The following LY6G5B variants were observed in gnomAD, a reference collection of about 807,000 sequenced individuals.
LY6G5B encodes the protein lymphocyte antigen 6 complex locus protein G5b.
Under a neutral mutation model 6.7 loss-of-function variants are expected in LY6G5B, and 6 were observed. The observed-to-expected ratio is 0.89, with a 90% CI of 0.49 to 1.76. The LOEUF (loss-of-function observed/expected upper bound fraction) is 1.76, where lower values mean the gene tolerates loss of function less well. Ranked by LOEUF, LY6G5B falls within the 40% of genes most tolerant of loss-of-function variation. LY6G5B has a pLI of 0.01. For missense variants in LY6G5B, 240 were observed against 249.5 expected, an observed-to-expected ratio of 0.96 and a Z score of 0.26; for synonymous variants, 98 against 99.4, an observed-to-expected ratio of 0.99 and a Z score of 0.09.
At chr6:31,670,030 C>T (rs4569), upstream of LY6G5B, 265,286 of 897,250 alleles carry the variant, frequency 0.3, 42,643 homozygotes, top group African/African-American at 0.53. Flanking sequence ...GAGTCGTTAT[C>T]GTGGTGGGAA....
rs949726455 is a variant in LY6G5B, at chr6:31,670,567, C to T, written c.-384C>T. ...AGTGGGGATTGGCCCTGTTGTATGA[C>T]GAAGACAGCACATGGTGGCAGAGAT... is the stretch of plus-strand genomic sequence containing the variant. On this transcript the variant is annotated 5_prime_UTR_variant, in exon 1 of 3. The change creates a new upstream start codon in the 5' untranslated region. Coordinates refer to ENST00000375864, the Ensembl canonical transcript of LY6G5B. 1.8e-5 allele frequency: 4 copies of T among 220,492 alleles called. No homozygotes were observed. Among genetic ancestry groups the T allele is most frequent in the African/African-American group, 4.6e-5 (2 of 43,610 alleles). The allele number at this position is 220,492 out of a possible 1,614,324, so 13.7% of individuals were successfully genotyped here.
rs1173442664 is a variant in LY6G5B, at chr6:31,671,861, CAG to C, written c.188-1_188del. 3 of 1,602,662 alleles carry C rather than the reference CAG, an allele frequency of 1.9e-6. No homozygotes were observed. Among genetic ancestry groups the C allele is most frequent in the Non-Finnish European group, 2.6e-6 (3 of 1,172,246 alleles). ...GGGTTATCAGCTTTCCCCTCTCCCT[CAG>C]ATGTCAAGGTTCGCTTCATCGTTCG... On this transcript the variant is annotated splice_acceptor_variant, in intron 2 of 2. Coordinates refer to ENST00000375864, the Ensembl canonical transcript of LY6G5B. LOFTEE classifies it high-confidence loss of function.
upstream of LY6G5B, chr6:31,670,029 TCG>T (rs1802078677): frequency 1.1e-6 from 1 of 934,230 alleles, no homozygotes; most frequent in South Asian, 1.7e-5. Context: ...GGAGTCGTTA[TCG>T]TGGTGGGAAT....
chr6:31,670,105 A>G (rs1296861398), upstream of LY6G5B: 2 of 629,232 alleles, frequency 3.2e-6, no homozygotes, highest in Non-Finnish European at 5.4e-6. Context: ...GGGGAAGGGA[A>G]GGTGATGGTG....
chr6:31,672,602 G>A (rs746746628), exon 3 of LY6G5B: 156 of 331,168 alleles, frequency 4.7e-4, no homozygotes, highest in Admixed American at 8.6e-4. Flanking sequence ...GCACCACCAC[G>A]CCTGGCTAAT....
exon 3 of LY6G5B, chr6:31,673,375 C>T (rs1802377351): frequency 6.5e-6 from 1 of 152,904 alleles, no homozygotes; most frequent in Non-Finnish European, 1.5e-5. Flanking sequence ...GTTGTTCTGC[C>T]TCCTGTCCTC....
rs574495081 is a variant in LY6G5B at position 31,671,795 on chromosome 6, T to C, written c.188-69T>C. 5.5e-4 allele frequency: 837 copies of C among 1,524,156 alleles called. 5 individuals are homozygous for C. The African/African-American group carries it at 7.9e-3, about 14-fold the overall frequency. The allele number at this position is 1,524,156 out of a possible 1,614,324, so 94.4% of individuals were successfully genotyped here. A position where few individuals can be genotyped will look rare whatever the true frequency, so the allele number is the denominator to read the frequency against. On this transcript the variant is annotated intron_variant, in intron 2 of 2. Coordinates refer to ENST00000375864, the Ensembl canonical transcript of LY6G5B. ...AGGTCTGGGTGAAGGATGGGAAAAG[T>C]CAGTAGCAGGGGTTCTTGGACTATG...
chr6:31,671,300 G>C lies in LY6G5B; in HGVS notation c.187+16G>C. On this transcript the variant is annotated intron_variant, in intron 2 of 2. Coordinates refer to ENST00000375864, the Ensembl canonical transcript of LY6G5B. Reference sequence around the variant, plus strand: ...ATCTATTATGGTAAATAAGGTCCCAGGAAGGGGCTGCTGGTGGGGCAGCCA... The same window carrying C: ...ATCTATTATGGTAAATAAGGTCCCACGAAGGGGCTGCTGGTGGGGCAGCCA... 6.2e-7 allele frequency: 1 copy of C among 1,612,952 alleles called. No individual in the cohort carries two copies. Among genetic ancestry groups the C allele is most frequent in the Non-Finnish European group, 8.5e-7 (1 of 1,179,964 alleles).
chr6:31,671,316 G>A (rs960697190), intron 2 of LY6G5B, 32 bp downstream of exon 2: 1 of 1,612,174 alleles, frequency 6.2e-7, no homozygotes, highest in Non-Finnish European at 8.5e-7. Context: ...GGCTGCTGGT[G>A]GGGCAGCCAA....
At chr6:31,670,775 A>T (rs771923300) in exon 1 of LY6G5B, 107 of 645,674 alleles carry the variant, frequency 1.7e-4, no homozygotes, top group Non-Finnish European at 2.5e-4. Context: ...CCAAGTAATA[A>T]CTTCCTTCCC....
At chr6:31,671,437 A>T (rs957137154) in intron 2 of LY6G5B, among the ~76,000 whole-genome samples, 153 bp downstream of exon 2, 1 of 152,134 alleles carries the variant, frequency 6.6e-6, no homozygotes, top group Non-Finnish European at 1.5e-5. Context: ...GCACTTTGGG[A>T]GGCTGAGGCA....
At position 31,670,256 on chromosome 6, in the gene LY6G5B, G is replaced by A. The variant is rs1373241518; in HGVS notation, c.-695G>A. ...TAGGACTGCGTGTGATGAAATGCAA[G>A]GTCAAAAGGAAAAGACAAAGCATAT... On this transcript the variant is annotated 5_prime_UTR_variant, in exon 1 of 3. Transcript: ENST00000375864. 5.1e-5 allele frequency: 17 copies of A among 331,624 alleles called. No homozygotes were observed. In the East Asian group the frequency reaches 8.4e-4, roughly 16 times the overall value. The allele number at this position is 331,624 out of a possible 1,614,324, so 20.5% of individuals were successfully genotyped here.
chr6:31,673,126 TG>T (rs947744639), exon 3 of LY6G5B: 3 of 151,922 alleles, frequency 2.0e-5, no homozygotes, highest in African/African-American at 7.3e-5. Context: ...ATCAGCTGGG[TG>T]TGGTGGCACA....
chr6:31,672,255 T>C, exon 3 of LY6G5B: 1 of 1,613,034 alleles, frequency 6.2e-7, no homozygotes, highest in Non-Finnish European at 8.5e-7. Flanking sequence ...TTCCCCAGGC[T>C]GGACTCTTGA....
At chr6:31,671,202 C>A in exon 2 of LY6G5B, 3 of 1,613,988 alleles carry the variant, frequency 1.9e-6, no homozygotes, top group Non-Finnish European at 2.5e-6. Context: ...TCGTAGAAGA[C>A]CCTTCTGTAG....
rs766075584 is a variant in LY6G5B, at chr6:31,671,174, G to A, written c.77G>A (p.Arg26Gln). Residue 26 changes from arginine to glutamine, a missense_variant, in exon 2 of 3, where the codon CGG (arginine) becomes CAG (glutamine). Transcript: ENST00000375864. ...TCCCCAGTTCCTGTTCCCGACATCC[G>A]GACGTGCCACTTCTGCCTCGTAGAA... is the stretch of plus-strand genomic sequence containing the variant. 1.3e-5 allele frequency: 21 copies of A among 1,613,916 alleles called. No homozygotes were observed. In the East Asian group the frequency reaches 2.4e-4, roughly 19 times the overall value.
Position 31,670,734 on chromosome 6 carries a change from C to T in LY6G5B, c.-217C>T. On this transcript the variant is annotated 5_prime_UTR_variant, in exon 1 of 3. The change creates a new upstream start codon in the 5' untranslated region. Coordinates refer to ENST00000375864, the Ensembl canonical transcript of LY6G5B. Reference sequence around the variant, plus strand: ...ATTACTCCCACACTCAGGAACCAGACGTTGTGGGTGAGGACATGCTGTCCC... The same window carrying T: ...ATTACTCCCACACTCAGGAACCAGATGTTGTGGGTGAGGACATGCTGTCCC... The T allele has an allele frequency of 3.6e-6, 2 of 556,520 alleles. No homozygotes were observed. The highest frequency in any genetic ancestry group is 2.9e-5 in the East Asian group (1 of 34,120). The allele number at this position is 556,520 out of a possible 1,614,324, so 34.5% of individuals were successfully genotyped here. A position where few individuals can be genotyped will look rare whatever the true frequency, so the allele number is the denominator to read the frequency against.
At chr6:31,670,010 T>A, upstream of LY6G5B, 2 of 1,125,990 alleles carry the variant, frequency 1.8e-6, no homozygotes, top group Non-Finnish European at 2.5e-6. Context: ...GTTTTTAGTT[T>A]AAATTAAAGG....
In LY6G5B at chr6:31,672,249, C is replaced by T. The variant is rs1802289897; in HGVS notation, c.573C>T (p.Pro191=). 3 of 1,613,052 alleles carry T rather than the reference C, an allele frequency of 1.9e-6. No individual in the cohort carries two copies. In the African/African-American group the frequency reaches 4.0e-5, roughly 21 times the overall value. Reference sequence around the variant, plus strand: ...ATAGTTCAGGACTTTTGGTTCTTCCCCAGGCTGGACTCTTGACACCTCACC... The same window carrying T: ...ATAGTTCAGGACTTTTGGTTCTTCCTCAGGCTGGACTCTTGACACCTCACC... The change falls in exon 3 of 3, where the codon CCC becomes CCT. Residue 191 remains proline, a synonymous_variant. Coordinates refer to ENST00000375864, the Ensembl canonical transcript of LY6G5B.
Sources: allele counts gnomAD v4.1 joint callset (sites outside exome capture counted in the v4.1 genomes callset), GRCh38; gene constraint gnomAD v4.1.1; transcripts MANE v1.5; gene names NCBI Gene and HGNC (gene_info 2026-07-23, HGNC 2026-07-21).